The following PDILT variants were observed in gnomAD, a reference collection of about 807,000 sequenced individuals.
PDILT encodes the protein protein disulfide isomerase like, testis expressed.
PDILT carries 43 observed loss-of-function variants against 53.7 expected under a neutral mutation model. The ratio of observed to expected loss-of-function variants is 0.80; its 90% CI spans 0.63 to 1.03. The LOEUF is 1.03. PDILT is among the 50% of genes least tolerant of loss of function. The probability of loss-of-function intolerance (pLI) is 0.00; values close to 1 mark genes in which losing one functional copy is unlikely to be tolerated. For missense variants in PDILT, 727 were observed against 712.3 expected (o/e 1.02, Z -0.24); for synonymous variants, 282 against 274.2 (o/e 1.03, Z -0.28).
At position 20,384,748 on chromosome 16, in the gene PDILT, G is replaced by C; in HGVS notation, c.306C>G (p.Asp102Glu). 1 of 1,614,150 alleles carries C rather than the reference G, an allele frequency of 6.2e-7. No homozygotes were observed. The highest frequency in any genetic ancestry group is 1.1e-5 in the South Asian group (1 of 91,068). Residue 102 changes from aspartate (D) to glutamate (E), a missense_variant, in exon 3 of 12, where the codon GAC (aspartate) becomes GAG (glutamate). By Grantham distance (45) the Asp-to-Glu change is conservative. Transcript: ENST00000302451. ...GCTGAAGCTCCTTCTCTATGGTAATGTCCACTTTGCCAAAGCCGATCCCAT... is the reference window on the plus strand; with the variant it reads ...GCTGAAGCTCCTTCTCTATGGTAATCTCCACTTTGCCAAAGCCGATCCCAT... Reference protein sequence around the residue: ...GKNGIGFGKVDITIEKELQQE... With the variant: ...GKNGIGFGKVEITIEKELQQE...
intron 1 of PDILT, among the ~76,000 whole-genome samples, chr16:20,403,392 C>T (rs145694229): frequency 5.9e-4 from 90 of 152,230 alleles, no homozygotes; most frequent in East Asian, 2.5e-3. Flanking sequence ...TGGGTTTAAG[C>T]GATTCTCCTG....
chr16:20,374,895 A>G lies in PDILT; in HGVS notation c.608T>C (p.Phe203Ser). 1 of 1,614,144 alleles carries G rather than the reference A, an allele frequency of 6.2e-7. No individual in the cohort carries two copies. Among genetic ancestry groups the G allele is most frequent in the Non-Finnish European group, 8.5e-7 (1 of 1,179,992 alleles). The change falls in exon 5 of 12, where the codon TTT becomes TCT. Residue 203 changes from phenylalanine to serine, a missense_variant. Phe to Ser is a radical substitution (Grantham distance 155). Transcript: ENST00000302451. ...DVIKDFPELT[F>S]GVITIGNVIG... ...GACATTGCCAATCGTTATGACTCCAAACGTTAGCTCTGGAAAGTCTTTGAT... is the reference window on the plus strand; with the variant it reads ...GACATTGCCAATCGTTATGACTCCAGACGTTAGCTCTGGAAAGTCTTTGAT...
Position 20,359,214 on chromosome 16 carries a change from C to A in PDILT, c.*105G>T. 2.6e-6 allele frequency: 4 copies of A among 1,523,826 alleles called. No individual in the cohort carries two copies. Among genetic ancestry groups the A allele is most frequent in the Non-Finnish European group, 3.5e-6 (4 of 1,138,068 alleles). The allele number at this position is 1,523,826 out of a possible 1,614,324, so 94.4% of individuals were successfully genotyped here. A position where few individuals can be genotyped will look rare whatever the true frequency, so the allele number is the denominator to read the frequency against. ...TTATTATCCACCCCTACCCCCGCCC[C>A]ACCTACCCTACCACAATGATATATG... is the stretch of plus-strand genomic sequence containing the variant. On this transcript the variant is annotated 3_prime_UTR_variant, in exon 12 of 12. Coordinates refer to ENST00000302451, the MANE Select transcript of PDILT (RefSeq NM_174924.2).
At chr16:20,363,167 C>A (rs966082659) in intron 9 of PDILT, among the ~76,000 whole-genome samples, 13 of 150,714 alleles carry the variant, frequency 8.6e-5, no homozygotes, top group African/African-American at 2.7e-4. Context: ...AATACTAACA[C>A]TTTTAGTGTG....
In PDILT at chr16:20,376,052, C is replaced by T. The variant is rs183180436; in HGVS notation, c.543+16G>A. The T allele has an allele frequency of 4.2e-5, 68 of 1,613,964 alleles. No individual in the cohort carries two copies. The African/African-American group carries it at 7.5e-4, about 18-fold the overall frequency. On this transcript the variant is annotated intron_variant, in intron 4 of 11. Coordinates refer to ENST00000302451, the MANE Select transcript of PDILT (RefSeq NM_174924.2). ...TCATCAGTTGAAAGCCTCCTCCCAC[C>T]TCTTGGTCCCAGTACCTGGAAGAAG...
intron 1 of PDILT, among the ~76,000 whole-genome samples, chr16:20,404,203 A>T (rs1245046041): frequency 6.6e-6 from 1 of 152,164 alleles, no homozygotes; most frequent in African/African-American, 2.4e-5. Context: ...AGCAAACCCC[A>T]TTGGTTCATT....
intron 9 of PDILT, among the ~76,000 whole-genome samples, chr16:20,363,424 G>C (rs1966136566): frequency 6.6e-6 from 1 of 151,936 alleles, no homozygotes; most frequent in African/African-American, 2.4e-5. Flanking sequence ...ATTTACGCTA[G>C]ATGACTTTAA....
intron 1 of PDILT, among the ~76,000 whole-genome samples, chr16:20,400,636 T>C (rs1003199903): frequency 1.1e-4 from 16 of 152,104 alleles, no homozygotes; most frequent in African/African-American, 3.4e-4. Flanking sequence ...TTTGAATATG[T>C]ACAAAAATAG....
chr16:20,386,913 G>T (rs1043690538), intron 2 of PDILT, among the ~76,000 whole-genome samples: 2 of 152,184 alleles, frequency 1.3e-5, no homozygotes, highest in Non-Finnish European at 2.9e-5. Flanking sequence ...AGATGGTAAA[G>T]CAAATTTTAG....
At chr16:20,397,231 G>A (rs958461473) in intron 2 of PDILT, among the ~76,000 whole-genome samples, 1 of 152,144 alleles carries the variant, frequency 6.6e-6, no homozygotes, top group African/African-American at 2.4e-5. Context: ...GACCTCCTGG[G>A]CTCAAGCGAT....
chr16:20,400,046 CTATCT>C (rs1310087619), intron 1 of PDILT, among the ~76,000 whole-genome samples: 4 of 122,166 alleles, frequency 3.3e-5, no homozygotes, highest in Non-Finnish European at 4.9e-5. Context: ...ATCTATCTAT[CTATCT>C]ATCTATATAT....
At chr16:20,380,434 T>A (rs1966446792) in intron 3 of PDILT, among the ~76,000 whole-genome samples, 1 of 152,016 alleles carries the variant, frequency 6.6e-6, no homozygotes, top group South Asian at 2.1e-4. Flanking sequence ...GCCTCCTGGG[T>A]TCAAGCAATT....
In PDILT at chr16:20,385,232, C is replaced by T. The variant is rs533477572; in HGVS notation, c.203-381G>A. On this transcript the variant is annotated intron_variant, in intron 2 of 11. Transcript: ENST00000302451. ...TGCTTATTGTTTTCTAAGAGTTTTA[C>T]GTGCATTAAGCCATTTACTCCTCTC... Among the ~76,000 whole-genome samples, 11 of 152,272 alleles carry T rather than the reference C, an allele frequency of 7.2e-5. No individual in the cohort carries two copies. In the South Asian group the frequency reaches 8.3e-4, roughly 12 times the overall value.
chr16:20,384,536 C>A, intron 3 of PDILT, 109 bp downstream of exon 3: 1 of 1,333,414 alleles, frequency 7.5e-7, no homozygotes, highest in Non-Finnish European at 1.1e-6. Flanking sequence ...GCTGGAGGAT[C>A]CTGGGTCCCC....
chr16:20,370,120 A>G (rs1254146199), intron 7 of PDILT, among the ~76,000 whole-genome samples: 1 of 152,226 alleles, frequency 6.6e-6, no homozygotes, highest in Admixed American at 6.5e-5. Flanking sequence ...TTATTATTCA[A>G]AATTATTCTA....
At chr16:20,399,425 C>CTGGGAGGCAATG in intron 1 of PDILT, 118 bp from the exon 2 acceptor site, 1 of 1,088,006 alleles carries the variant, frequency 9.2e-7, no homozygotes, top group Non-Finnish European at 1.3e-6. Flanking sequence ...CTGAGCATTG[C>CTGGGAGGCAATG]CTCCCAGCAA....
chr16:20,360,517 A>G, intron 11 of PDILT, 51 bp downstream of exon 11: 1 of 1,471,552 alleles, frequency 6.8e-7, no homozygotes, highest in Non-Finnish European at 9.5e-7. Flanking sequence ...TTAAGTTCCT[A>G]GGGATTCTGT....
chr16:20,376,181 A>C lies in PDILT; in HGVS notation c.430T>G (p.Leu144Val), dbSNP rs1966385325. Reference sequence around the variant, plus strand: ...ATTTGTCGTCTCAACCAAACGACTAAGGCAGCAGATTCAACCACTCCTGGA... The same window carrying C: ...ATTTGTCGTCTCAACCAAACGACTACGGCAGCAGATTCAACCACTCCTGGA... ...SCKGVVESAA[L>V]VVWLRRQISQ... The change falls in exon 4 of 12, where the codon TTA becomes GTA. Residue 144 changes from leucine to valine, a missense_variant. Leu to Val is a conservative substitution (Grantham distance 32). Transcript: ENST00000302451. 1.2e-6 allele frequency: 2 copies of C among 1,614,092 alleles called. No homozygotes were observed. Among genetic ancestry groups the C allele is most frequent in the Non-Finnish European group, 1.7e-6 (2 of 1,180,042 alleles).
chr16:20,365,734 G>A (rs1424317944), intron 8 of PDILT, among the ~76,000 whole-genome samples, 194 bp from the exon 9 acceptor site: 1 of 152,128 alleles, frequency 6.6e-6, no homozygotes, highest in East Asian at 1.9e-4. Context: ...TTTGGGGTCA[G>A]GGGACTGAGG....
Sources: allele counts gnomAD v4.1 joint callset (sites outside exome capture counted in the v4.1 genomes callset), GRCh38; gene constraint gnomAD v4.1.1; transcripts MANE v1.5; gene names NCBI Gene and HGNC (gene_info 2026-07-23, HGNC 2026-07-21).